The following VRK2 variants were observed in gnomAD, a reference collection of about 807,000 sequenced individuals.
The protein encoded by VRK2 is serine/threonine-protein kinase VRK2.
In VRK2, 60 loss-of-function variants were observed where a neutral mutation model predicts 57.6. The ratio of observed to expected loss-of-function variants is 1.04; its 90% CI spans 0.85 to 1.29. The LOEUF (loss-of-function observed/expected upper bound fraction) is 1.29, where lower values mean the gene tolerates loss of function less well. VRK2 is among the 50% of genes most tolerant of loss of function. The pLI is 0.00. For missense variants in VRK2, 705 were observed against 588.1 expected, an observed-to-expected ratio of 1.20 and a Z score of -2.06; for synonymous variants, 231 against 199.2, an observed-to-expected ratio of 1.16 and a Z score of -1.35.
At position 58,145,409 on chromosome 2, in the gene VRK2, CATTA is replaced by C. The variant is rs1232414052; in HGVS notation, c.1024-902_1024-899del. 5.3e-5 allele frequency among the ~76,000 whole-genome samples: 8 copies of C among 151,976 alleles called. No homozygotes were observed. The South Asian group carries it at 1.0e-3, about 20-fold the overall frequency. On this transcript the variant is annotated intron_variant, in intron 11 of 12. Coordinates refer to ENST00000340157, the MANE Select transcript of VRK2 (RefSeq NM_006296.7). Reference sequence around the variant, plus strand: ...ATCACAAGCTCCTTTTATATATTCACATTAATTAGGCTCACTTCAATGATAGAAA... The same window carrying C: ...ATCACAAGCTCCTTTTATATATTCACATTAGGCTCACTTCAATGATAGAAA...
intron 1 of VRK2, among the ~76,000 whole-genome samples, chr2:57,979,566 G>A (rs1254434431): frequency 2.8e-5 from 4 of 145,160 alleles, no homozygotes; most frequent in Non-Finnish European, 1.5e-5. Flanking sequence ...ATTAGTTAAG[G>A]AGGAGTCCCT....
rs764309684 is a variant in VRK2 at position 57,913,211 on chromosome 2, T to C, written c.-439+5372T>C. 4.6e-5 allele frequency among the ~76,000 whole-genome samples: 7 copies of C among 152,210 alleles called. No homozygotes were observed. In the South Asian group the frequency reaches 1.0e-3, roughly 22 times the overall value. On this transcript the variant is annotated intron_variant, in intron 1 of 15. Coordinates refer to the VRK2 transcript ENST00000417641. ...TTAGAGCATGAGGCCTGGGATTCAA[T>C]CTTGGCCCTACCAATTTATTTCTAG...
rs1674026357 is a variant in VRK2 at position 58,028,906 on chromosome 2, ATATATAT to A, written c.-333+3137_-333+3143del. On this transcript the variant is annotated intron_variant, in intron 2 of 15. Coordinates refer to the VRK2 transcript ENST00000417641. ...ATAATAAATAAATAAATAAATAAAT[ATATATAT>A]ATATATATATATATATATATATATA... Among the ~76,000 whole-genome samples the A allele has an allele frequency of 2.0e-4, 6 of 30,388 alleles. No homozygotes were observed. The South Asian group carries it at 4.6e-3, about 23-fold the overall frequency. 19.9% of individuals were successfully genotyped at this position (30,388 alleles called of 152,430 possible).
intron 1 of VRK2, among the ~76,000 whole-genome samples, chr2:57,960,456 G>C (rs143081842): frequency 6.6e-6 from 1 of 152,216 alleles, no homozygotes; most frequent in Non-Finnish European, 1.5e-5. Flanking sequence ...TTGAGAAATT[G>C]TGGCCACATG....
At chr2:58,095,404 T>A (rs558558528) in intron 7 of VRK2, among the ~76,000 whole-genome samples, 115 of 152,286 alleles carry the variant, frequency 7.6e-4, no homozygotes, top group African/African-American at 2.6e-3. Flanking sequence ...TGTTCATATA[T>A]GAACAAGGAA....
At chr2:58,096,607 T>A (rs1245707459) in intron 7 of VRK2, among the ~76,000 whole-genome samples, 3 of 151,932 alleles carry the variant, frequency 2.0e-5, no homozygotes, top group Non-Finnish European at 4.4e-5. Flanking sequence ...CTTTCTCCCT[T>A]TTTCTATCCT....
chr2:57,938,928 A>C (rs557587044), intron 1 of VRK2, among the ~76,000 whole-genome samples: 1 of 152,306 alleles, frequency 6.6e-6, no homozygotes, highest in African/African-American at 2.4e-5. Flanking sequence ...TTTACTCACT[A>C]ATAACAATTC....
At chr2:57,989,271 T>A (rs985257109) in intron 1 of VRK2, among the ~76,000 whole-genome samples, 21 of 152,350 alleles carry the variant, frequency 1.4e-4, no homozygotes, top group African/African-American at 4.8e-4. Flanking sequence ...TAATTTTACA[T>A]TTTTCTAGAA....
At chr2:58,049,347 A>G (rs1675362729) in intron 2 of VRK2, among the ~76,000 whole-genome samples, 1 of 152,206 alleles carries the variant, frequency 6.6e-6, no homozygotes, top group African/African-American at 2.4e-5. Flanking sequence ...TTTAGGCAAT[A>G]CAAGAGTCTA....
At chr2:58,074,033 A>G (rs990696382) in intron 2 of VRK2, among the ~76,000 whole-genome samples, 10 of 152,084 alleles carry the variant, frequency 6.6e-5, no homozygotes, top group African/African-American at 1.9e-4. Flanking sequence ...AATACTTTCT[A>G]TCCTTCAATC....
chr2:58,008,428 T>C (rs1313268165), intron 1 of VRK2, among the ~76,000 whole-genome samples: 2 of 151,948 alleles, frequency 1.3e-5, no homozygotes, highest in Non-Finnish European at 2.9e-5. Flanking sequence ...TCCACAATAA[T>C]AGCTACTGTT....
intron 3 of VRK2, among the ~76,000 whole-genome samples, chr2:58,036,904 C>T (rs1044163957): frequency 1.3e-5 from 2 of 151,864 alleles, no homozygotes; most frequent in African/African-American, 2.4e-5. Flanking sequence ...CTCATGAAGC[C>T]GGTACCGAAT....
At chr2:58,055,249 A>G (rs1457960139) in intron 2 of VRK2, among the ~76,000 whole-genome samples, 2 of 152,200 alleles carry the variant, frequency 1.3e-5, no homozygotes, top group Non-Finnish European at 2.9e-5. Flanking sequence ...GTGCCAGGCT[A>G]GCAGATGGGT....
chr2:58,159,317 CAAACT>C (rs768039421), intron 12 of VRK2, 27 bp from the exon 13 acceptor site: 8 of 1,515,500 alleles, frequency 5.3e-6, no homozygotes, highest in South Asian at 3.9e-5. Context: ...TCACGTCTAA[CAAACT>C]AAACTATATA....
At chr2:57,918,946 T>C (rs1420126564) in intron 1 of VRK2, among the ~76,000 whole-genome samples, 1 of 152,164 alleles carries the variant, frequency 6.6e-6, no homozygotes, top group Non-Finnish European at 1.5e-5. Flanking sequence ...TGGTCTGGTA[T>C]TGGCATGACT....
intron 12 of VRK2, among the ~76,000 whole-genome samples, chr2:58,152,952 C>T (rs1387793493): frequency 2.0e-5 from 3 of 151,892 alleles, no homozygotes; most frequent in Non-Finnish European, 4.4e-5. Context: ...TGTACTCGTG[C>T]ATGTCTGTGT....
chr2:58,066,577 C>T (rs1668642109), intron 2 of VRK2, among the ~76,000 whole-genome samples: 1 of 151,902 alleles, frequency 6.6e-6, no homozygotes, highest in Non-Finnish European at 1.5e-5. Flanking sequence ...CAGGGTAATC[C>T]TGGCCTCATA....
At chr2:58,131,274 T>A (rs1679149360) in intron 8 of VRK2, among the ~76,000 whole-genome samples, 1 of 150,562 alleles carries the variant, frequency 6.6e-6, no homozygotes, top group Non-Finnish European at 1.5e-5. Context: ...AAGACCCTTT[T>A]TTTAATACTG....
intron 8 of VRK2, 62 bp downstream of exon 8, chr2:58,123,295 T>C: frequency 6.5e-7 from 1 of 1,547,850 alleles, no homozygotes; most frequent in Non-Finnish European, 8.6e-7. Flanking sequence ...ACAAGGGTAA[T>C]GAGGCTGCAT....
Sources: gnomAD v4.1 joint callset for allele counts (sites outside exome capture counted in the v4.1 genomes callset) on GRCh38, gnomAD v4.1.1 for gene constraint, MANE v1.5 for transcripts, NCBI Gene and HGNC (gene_info 2026-07-23, HGNC 2026-07-21) for gene names.